The following C2orf49 variants were observed in gnomAD, a reference collection of about 807,000 sequenced individuals.
C2orf49 encodes tRNA splicing ligase complex subunit 2, also known as tRNA-splicing ligase complex subunit ASW.
In C2orf49, 11 loss-of-function variants were observed where a neutral mutation model predicts 20.6. The observed-to-expected ratio is 0.53, with a 90% CI of 0.34 to 0.88. C2orf49 has a LOEUF of 0.88. Among genes scored for constraint, C2orf49 ranks in the 40% least tolerant of loss-of-function variants. The pLI is 0.02. For synonymous variants in C2orf49, 134 were observed against 108.5 expected (o/e 1.24, Z -1.46); for missense variants, 289 against 274.2 (o/e 1.05, Z -0.38).
At chr2:105,381,662 T>C in the C2orf49 span, among the ~76,000 whole-genome samples, 19 of 152,306 alleles carry the variant, frequency 1.2e-4, no homozygotes, top group Non-Finnish European at 2.8e-4. Context: ...CCCTGCTTGA[T>C]TAAATTCCCT....
rs202080360 is a variant in C2orf49 at position 105,339,722 on chromosome 2, A to G, written c.239A>G (p.Gln80Arg). ...WGKMMEKKRE[Q>R]HEIKNETKRS... ...AAAATGATGGAAAAGAAAAGAGAAC[A>G]ACATGAGATTAAAAATGAGACTAAA... The change falls in exon 2 of 4, where the codon CAA (glutamine) becomes CGA (arginine). Residue 80 changes from glutamine to arginine, a missense_variant. Transcript: ENST00000258457. The G allele has an allele frequency of 1.9e-6, 3 of 1,600,014 alleles. No homozygotes were observed. Among genetic ancestry groups the G allele is most frequent in the Non-Finnish European group, 2.5e-6 (3 of 1,177,086 alleles).
the C2orf49 span, among the ~76,000 whole-genome samples, chr2:105,381,906 G>A: frequency 3.8e-4 from 58 of 152,222 alleles, 1 homozygote; most frequent in East Asian, 9.3e-3. Context: ...AAAGACCAGC[G>A]AGGGAGGCCT....
chr2:105,368,788 A>AT, the C2orf49 span, among the ~76,000 whole-genome samples: 1 of 152,234 alleles, frequency 6.6e-6, no homozygotes, highest in African/African-American at 2.4e-5. Context: ...AGTACCCTTC[A>AT]TATAAAGCAA....
At chr2:105,378,478 T>G in the C2orf49 span, 1 of 269,898 alleles carries the variant, frequency 3.7e-6, no homozygotes, top group Non-Finnish European at 7.3e-6. Flanking sequence ...GCCCTTTCCC[T>G]TCAGGCTGGT....
At position 105,337,571 on chromosome 2, in the gene C2orf49, G is replaced by C; in HGVS notation, c.-17G>C. The C allele has an allele frequency of 6.2e-7, 1 of 1,613,368 alleles. No individual in the cohort carries two copies. Among genetic ancestry groups the C allele is most frequent in the Non-Finnish European group, 8.5e-7 (1 of 1,179,960 alleles). On this transcript the variant is annotated 5_prime_UTR_variant, in exon 1 of 4. Transcript: ENST00000258457. ...GGGGCTTTGTGGGTAGCCGACTGGG[G>C]TCTCCTGGCGACGACCATGGCGGGG...
At chr2:105,373,821 C>A in the C2orf49 span, 10 of 1,377,426 alleles carry the variant, frequency 7.3e-6, no homozygotes, top group Non-Finnish European at 1.0e-5. Context: ...ATCTGCAGGG[C>A]AAACAAGGAA....
In C2orf49 at chr2:105,337,648, C is replaced by G; in HGVS notation, c.61C>G (p.Leu21Val). 4 of 1,541,102 alleles carry G rather than the reference C, an allele frequency of 2.6e-6. No homozygotes were observed. Among genetic ancestry groups the G allele is most frequent in the South Asian group, 2.2e-5 (2 of 89,880 alleles). ...TDSELLLHPE[L>V]LSQEFLLLTL... The stretch of plus-strand genomic sequence containing the variant: ...CTCGGAACTGCTGCTGCACCCGGAG[C>G]TGCTGTCCCAGGAGTTCCTTCTCCT... Residue 21 changes from leucine (L) to valine (V), a missense_variant, in exon 1 of 4, where the codon CTG becomes GTG. Physicochemically the swap from Leu to Val is conservative, Grantham distance 32. Coordinates refer to ENST00000258457, the MANE Select transcript of C2orf49 (RefSeq NM_024093.3).
chr2:105,384,488 G>A, the C2orf49 span, among the ~76,000 whole-genome samples: 3 of 152,100 alleles, frequency 2.0e-5, no homozygotes, highest in Non-Finnish European at 4.4e-5. Context: ...CTATGAAGCA[G>A]ACCCCTGGTT....
At chr2:105,369,018 G>T in the C2orf49 span, among the ~76,000 whole-genome samples, 2 of 152,174 alleles carry the variant, frequency 1.3e-5, no homozygotes, top group Admixed American at 1.3e-4. Flanking sequence ...GTGTGCAGCT[G>T]TGTGCAGTTG....
At position 105,345,347 on chromosome 2, in the gene C2orf49, G is replaced by T. The variant is rs1260367680; in HGVS notation, c.675G>T (p.Lys225Asn). ...TGAAGCCCCCACAAGCAAAAAGGAA[G>T]ATACAACATGTTACTTGGCCCTGAA... ...NNLKPPQAKR[K>N]IQHVTWP Residue 225 changes from lysine (K) to asparagine (N), a missense_variant, in exon 4 of 4, where the codon AAG becomes AAT. By Grantham distance (94) the Lys-to-Asn change is moderately conservative. Transcript: ENST00000258457. 2 of 1,613,154 alleles carry T rather than the reference G, an allele frequency of 1.2e-6. No individual in the cohort carries two copies. The highest frequency in any genetic ancestry group is 2.2e-5 in the East Asian group (1 of 44,830).
the C2orf49 span, chr2:105,378,400 T>A: frequency 6.3e-5 from 22 of 348,316 alleles, 1 homozygote; most frequent in Non-Finnish European, 1.1e-4. Flanking sequence ...GAAGGCCGCA[T>A]TCTCTCAGGA....
chr2:105,340,823 G>A (rs1679646092), intron 2 of C2orf49, among the ~76,000 whole-genome samples: 1 of 151,426 alleles, frequency 6.6e-6, no homozygotes, highest in African/African-American at 2.4e-5. Flanking sequence ...TTTTTTTTTA[G>A]GGCCTTCTAT....
At chr2:105,384,735 C>T in the C2orf49 span, among the ~76,000 whole-genome samples, 9 of 152,316 alleles carry the variant, frequency 5.9e-5, no homozygotes, top group South Asian at 6.2e-4. Flanking sequence ...CTCGAACTCC[C>T]GGCCTCAATT....
At chr2:105,369,971 C>CGGCAGGTGGCAGGA in the C2orf49 span, among the ~76,000 whole-genome samples, 2 of 152,324 alleles carry the variant, frequency 1.3e-5, no homozygotes, top group South Asian at 4.1e-4. Flanking sequence ...GCAGCAATAC[C>CGGCAGGTGGCAGGA]GGCAGGTGGC....
intron 1 of C2orf49, 29 bp from the exon 2 acceptor site, chr2:105,339,554 T>G (rs200946111): frequency 3.3e-4 from 514 of 1,573,056 alleles, no homozygotes; most frequent in Middle Eastern, 8.4e-4. Flanking sequence ...AACATTGTTT[T>G]GAAATTACTT....
At position 105,346,558 on chromosome 2, in the gene C2orf49, T is replaced by C. The variant is rs1319759256; in HGVS notation, c.*1187T>C. 1.3e-5 allele frequency: 2 copies of C among 152,204 alleles called. No homozygotes were observed. The highest frequency in any genetic ancestry group is 6.5e-5 in the Admixed American group (1 of 15,276). The allele number at this position is 152,204 out of a possible 1,614,324, so 9.4% of individuals were successfully genotyped here. ...AGGTGGTATTCGATGGAAGAAAGTT[T>C]AGAGAGTTAGGAGTGGGGGTAGAAT... On this transcript the variant is annotated 3_prime_UTR_variant, in exon 4 of 4. Transcript: ENST00000258457.
the C2orf49 span, chr2:105,375,158 T>TGTGC: frequency 1.4e-5 from 2 of 145,158 alleles, no homozygotes; most frequent in Non-Finnish European, 3.1e-5. Context: ...TGTGTGTGTG[T>TGTGC]GCGCGTGCGT....
At chr2:105,363,813 G>C in the C2orf49 span, among the ~76,000 whole-genome samples, 1 of 152,184 alleles carries the variant, frequency 6.6e-6, no homozygotes, top group African/African-American at 2.4e-5. Context: ...ATTCAATACA[G>C]CATCAAGGAG....
Position 105,345,654 on chromosome 2 carries a change from A to C in C2orf49, c.*283A>C. On this transcript the variant is annotated 3_prime_UTR_variant, in exon 4 of 4. Transcript: ENST00000258457. Reference sequence around the variant, plus strand: ...GACCCTACTGAAATTATTAGCTACAAATGTGCTATAAAGCATCCATTGAAT... The same window carrying C: ...GACCCTACTGAAATTATTAGCTACACATGTGCTATAAAGCATCCATTGAAT... 1 of 376,984 alleles carries C rather than the reference A, an allele frequency of 2.7e-6. No individual in the cohort carries two copies. Among genetic ancestry groups the C allele is most frequent in the South Asian group, 3.4e-5 (1 of 29,662 alleles). The allele number at this position is 376,984 out of a possible 1,614,324, so 23.4% of individuals were successfully genotyped here.
Sources: gnomAD v4.1 joint callset for allele counts (sites outside exome capture counted in the v4.1 genomes callset) on GRCh38, gnomAD v4.1.1 for gene constraint, MANE v1.5 for transcripts, NCBI Gene and HGNC (gene_info 2026-07-23, HGNC 2026-07-21) for gene names.